Variants in SUGCT observed in about 807,000 individuals in gnomAD.
SUGCT encodes succinyl-CoA:glutarate-CoA transferase.
Under a neutral mutation model 55.0 loss-of-function variants are expected in SUGCT, and 41 were observed. The observed-to-expected ratio is 0.74, with a 90% confidence interval of 0.58 to 0.97. SUGCT has a LOEUF of 0.97. Ranked by LOEUF, SUGCT falls within the 50% of genes least tolerant of loss-of-function variation. The pLI is 0.00. For synonymous variants in SUGCT, 187 were observed against 200.4 expected, an observed-to-expected ratio of 0.93 and a Z score of 0.56; for missense variants, 568 against 547.8, an observed-to-expected ratio of 1.04 and a Z score of -0.37.
chr7:40,161,617 C>A (rs951561644), intron 1 of SUGCT, among the ~76,000 whole-genome samples: 1 of 152,208 alleles, frequency 6.6e-6, no homozygotes, highest in African/African-American at 2.4e-5. Flanking sequence ...AGGAGAATCA[C>A]GTCACCAATG....
chr7:40,826,098 G>A (rs1343615619), intron 13 of SUGCT, among the ~76,000 whole-genome samples: 1 of 152,046 alleles, frequency 6.6e-6, no homozygotes, highest in Non-Finnish European at 1.5e-5. Context: ...CATATTGCAC[G>A]GCTAGTTGTC....
chr7:40,276,762 A>G (rs1433839961), intron 8 of SUGCT, among the ~76,000 whole-genome samples: 1 of 151,964 alleles, frequency 6.6e-6, no homozygotes, highest in East Asian at 1.9e-4. Context: ...GCATATACAC[A>G]CAGGTATATA....
the SUGCT span, among the ~76,000 whole-genome samples, chr7:41,017,673 A>C: frequency 1.3e-5 from 2 of 151,346 alleles, no homozygotes; most frequent in African/African-American, 4.9e-5. Context: ...CGGGAGGCTG[A>C]GGCAGGAGAA....
chr7:40,368,250 G>C (rs968226632), intron 9 of SUGCT, among the ~76,000 whole-genome samples: 6 of 151,156 alleles, frequency 4.0e-5, no homozygotes, highest in African/African-American at 1.5e-4. Context: ...CTGGGCTGGA[G>C]TACAATGGCT....
At chr7:40,424,779 T>C (rs761503409) in intron 9 of SUGCT, among the ~76,000 whole-genome samples, 3 of 152,246 alleles carry the variant, frequency 2.0e-5, no homozygotes, top group Non-Finnish European at 1.5e-5. Context: ...TATTTAACAG[T>C]TGTTCAACTA....
intron 1 of SUGCT, among the ~76,000 whole-genome samples, chr7:40,136,987 C>G (rs1787730645): frequency 6.6e-6 from 1 of 151,906 alleles, no homozygotes; most frequent in Non-Finnish European, 1.5e-5. Context: ...AGAGCGAGAC[C>G]CTATCATGCC....
intron 1 of SUGCT, among the ~76,000 whole-genome samples, chr7:40,140,882 GTGAAAAAA>G (rs1787947245): frequency 1.3e-5 from 2 of 152,162 alleles, no homozygotes; most frequent in South Asian, 4.2e-4. Context: ...TTCTAATTCT[GTGAAAAAA>G]TGATGTTGAT....
At chr7:40,191,049 CCG>C (rs1400797737) in intron 5 of SUGCT, among the ~76,000 whole-genome samples, 4 of 152,156 alleles carry the variant, frequency 2.6e-5, no homozygotes. Context: ...CAGAGTCTTG[CCG>C]TGTCACCCAG....
chr7:40,641,793 T>C (rs1800281349), intron 12 of SUGCT, among the ~76,000 whole-genome samples: 1 of 152,218 alleles, frequency 6.6e-6, no homozygotes, highest in Non-Finnish European at 1.5e-5. Context: ...TTGTTGAACT[T>C]ATGAAAGGCT....
intron 13 of SUGCT, among the ~76,000 whole-genome samples, chr7:40,796,217 C>T (rs1425155200): frequency 1.3e-5 from 2 of 151,928 alleles, no homozygotes; most frequent in African/African-American, 2.4e-5. Context: ...AAGTAGGAAA[C>T]GAGATGAGTA....
intron 9 of SUGCT, among the ~76,000 whole-genome samples, chr7:40,339,363 G>A (rs902849582): frequency 3.3e-5 from 5 of 152,170 alleles, no homozygotes; most frequent in Admixed American, 3.3e-4. Flanking sequence ...ACAGAGGCAG[G>A]CAGGCCTCCT....
intron 7 of SUGCT, among the ~76,000 whole-genome samples, chr7:40,245,423 A>ATATATATATATTT (rs1344678220): frequency 1.8e-5 from 1 of 54,588 alleles, no homozygotes; most frequent in Non-Finnish European, 3.3e-5. Flanking sequence ...ATATATATAT[A>ATATATATATATTT]TTTTTTTTTT....
chr7:40,812,800 G>A lies in SUGCT; in HGVS notation c.1154-47516G>A, dbSNP rs573846743. ...TCCTGTTTCTCTACTTCCTCTAGGTGTGAGATTAGATTGTTAATTTGAGAT... is the reference window on the plus strand; with the variant it reads ...TCCTGTTTCTCTACTTCCTCTAGGTATGAGATTAGATTGTTAATTTGAGAT... On this transcript the variant is annotated intron_variant, in intron 13 of 13. Transcript: ENST00000335693. Among the ~76,000 whole-genome samples, 9 of 152,186 alleles carry A rather than the reference G, an allele frequency of 5.9e-5. No homozygotes were observed. In the South Asian group the frequency reaches 1.7e-3, roughly 28 times the overall value.
In SUGCT at chr7:40,139,152, A is replaced by AATC. The variant is rs1562788589; in HGVS notation, c.100+4033_100+4034insTCA. 7.2e-3 allele frequency among the ~76,000 whole-genome samples: 1,069 copies of AATC among 147,590 alleles called. 17 individuals are homozygous for AATC. Among genetic ancestry groups the AATC allele is most frequent in the African/African-American group, 0.026 (1,000 of 37,932 alleles). Reference sequence around the variant, plus strand: ...AAAATAAATAAATAAATAAATAAATAAATAAATAAATAAATAAATAAATAA... The same window carrying AATC: ...AAAATAAATAAATAAATAAATAAATAATCAATAAATAAATAAATAAATAAATAA... On this transcript the variant is annotated intron_variant, in intron 1 of 13. Coordinates refer to ENST00000335693, the MANE Select transcript of SUGCT (RefSeq NM_001193313.2).
chr7:40,146,871 AATT>A (rs1788274692), intron 1 of SUGCT, among the ~76,000 whole-genome samples: 1 of 152,170 alleles, frequency 6.6e-6, no homozygotes, highest in African/African-American at 2.4e-5. Flanking sequence ...GAAGACCTTC[AATT>A]ATAGGTTTTA....
chr7:40,405,927 C>G (rs1206778840), intron 9 of SUGCT, among the ~76,000 whole-genome samples: 1 of 151,768 alleles, frequency 6.6e-6, no homozygotes, highest in Non-Finnish European at 1.5e-5. Context: ...GTGCGTTCTT[C>G]TTGTCTGCTG....
chr7:40,569,816 A>G (rs1326974475), intron 12 of SUGCT, among the ~76,000 whole-genome samples: 4 of 152,234 alleles, frequency 2.6e-5, no homozygotes, highest in African/African-American at 7.2e-5. Flanking sequence ...TAATCATTGC[A>G]TTAAAAACCT....
At chr7:40,259,018 T>G (rs1398101359) in intron 7 of SUGCT, among the ~76,000 whole-genome samples, 1 of 152,164 alleles carries the variant, frequency 6.6e-6, no homozygotes, top group South Asian at 2.1e-4. Context: ...TGTTATAACA[T>G]AAGTGAACCT....
chr7:40,893,939 T>TA, the SUGCT span, among the ~76,000 whole-genome samples: 1 of 151,578 alleles, frequency 6.6e-6, no homozygotes, highest in Non-Finnish European at 1.5e-5. Flanking sequence ...CAGGCACCTG[T>TA]AATTGCAGCT....
Sources: gnomAD v4.1 joint callset for allele counts (sites outside exome capture counted in the v4.1 genomes callset) on GRCh38, gnomAD v4.1.1 for gene constraint, MANE v1.5 for transcripts, NCBI Gene and HGNC (gene_info 2026-07-23, HGNC 2026-07-21) for gene names.